The following GRIP1 variants were observed in gnomAD, a reference collection of about 807,000 sequenced individuals.
The protein encoded by GRIP1 is glutamate receptor interacting protein 1.
Under a neutral mutation model 129.9 loss-of-function variants are expected in GRIP1, and 45 were observed. The observed-to-expected ratio is 0.35, with a 90% CI of 0.27 to 0.44. GRIP1 has a LOEUF of 0.44. Ranked by LOEUF, GRIP1 falls within the 20% of genes least tolerant of loss-of-function variation. The pLI, the probability that GRIP1 is intolerant of heterozygous loss-of-function variation, is 1.00. For synonymous variants in GRIP1, 530 were observed against 520.8 expected (o/e 1.02, Z -0.24); for missense variants, 1,196 against 1,396.8 (o/e 0.86, Z 2.29).
chr12:66,937,817 T>C (rs1353679869), intron 1 of GRIP1, among the ~76,000 whole-genome samples: 2 of 152,132 alleles, frequency 1.3e-5, no homozygotes, highest in Non-Finnish European at 1.5e-5. Flanking sequence ...AGTGAAAAAT[T>C]ATCTTATTGG....
chr12:66,615,665 G>A lies in GRIP1; in HGVS notation c.56-18738C>T, dbSNP rs193066847. ...AAATTTTATTTTTAATTTTTGAAACGGAGTTTCACTCTTGTCACCCACACT... is the reference window on the plus strand; with the variant it reads ...AAATTTTATTTTTAATTTTTGAAACAGAGTTTCACTCTTGTCACCCACACT... On this transcript the variant is annotated intron_variant, in intron 1 of 24. Transcript: ENST00000359742. Among the ~76,000 whole-genome samples the A allele has an allele frequency of 2.2e-3, 338 of 152,164 alleles. 2 individuals are homozygous for A. The highest frequency in any genetic ancestry group is 7.6e-3 in the African/African-American group (315 of 41,532).
In GRIP1 at chr12:66,642,338, G is replaced by A. The variant is rs190524092; in HGVS notation, c.55+36512C>T. Among the ~76,000 whole-genome samples the A allele has an allele frequency of 1.7e-4, 26 of 152,248 alleles. No individual in the cohort carries two copies. In the East Asian group the frequency reaches 4.8e-3, roughly 28 times the overall value. Reference sequence around the variant, plus strand: ...CATGTGAAAGGCAGGGAGGCACCATGTGCCTGGTGCAGTCCATGGGCTAGC... The same window carrying A: ...CATGTGAAAGGCAGGGAGGCACCATATGCCTGGTGCAGTCCATGGGCTAGC... On this transcript the variant is annotated intron_variant, in intron 1 of 24. Transcript: ENST00000359742.
chr12:66,378,608 G>A (rs1216639636), intron 20 of GRIP1, among the ~76,000 whole-genome samples: 1 of 151,892 alleles, frequency 6.6e-6, no homozygotes, highest in Non-Finnish European at 1.5e-5. Context: ...TTAGCCAGGC[G>A]TGGTGGTGCA....
chr12:66,759,984 A>G (rs1487170165), intron 1 of GRIP1, among the ~76,000 whole-genome samples: 4 of 151,916 alleles, frequency 2.6e-5, no homozygotes, highest in Admixed American at 6.6e-5. Flanking sequence ...CCTCCAGAGT[A>G]GCTGGGACTA....
intron 1 of GRIP1, among the ~76,000 whole-genome samples, chr12:66,658,593 GA>G (rs72271340): frequency 0.27 from 40,182 of 148,690 alleles, 5,793 homozygotes; most frequent in Admixed American, 0.36. Flanking sequence ...AAAAAAAAAA[GA>G]AAAAAAAATC....
intron 1 of GRIP1, among the ~76,000 whole-genome samples, chr12:66,981,528 A>G (rs2042242665): frequency 6.6e-6 from 1 of 152,230 alleles, no homozygotes; most frequent in African/African-American, 2.4e-5. Context: ...CAGTGTAATC[A>G]AAGTGACATA....
chr12:66,696,897 G>C (rs986319958), intron 1 of GRIP1, among the ~76,000 whole-genome samples: 7 of 151,640 alleles, frequency 4.6e-5, no homozygotes, highest in Non-Finnish European at 1.0e-4. Context: ...AATAGAATTT[G>C]GTAGATGCAA....
chr12:66,852,144 T>G (rs907867174), intron 1 of GRIP1, among the ~76,000 whole-genome samples: 2 of 152,096 alleles, frequency 1.3e-5, no homozygotes, highest in Admixed American at 6.6e-5. Context: ...AAGATGTCTA[T>G]AAAAATACAA....
At chr12:66,872,506 T>C (rs935359654) in intron 1 of GRIP1, among the ~76,000 whole-genome samples, 3 of 151,918 alleles carry the variant, frequency 2.0e-5, no homozygotes, top group African/African-American at 7.3e-5. Flanking sequence ...TCAGGCAAGG[T>C]TTGTGTTTCT....
At chr12:66,603,925 A>C (rs1429469717) in intron 1 of GRIP1, among the ~76,000 whole-genome samples, 1 of 152,212 alleles carries the variant, frequency 6.6e-6, no homozygotes, top group Non-Finnish European at 1.5e-5. Flanking sequence ...TTACATTTTA[A>C]GGTGGAGAGA....
At chr12:66,479,615 A>C (rs1223933580) in intron 7 of GRIP1, among the ~76,000 whole-genome samples, 1 of 152,132 alleles carries the variant, frequency 6.6e-6, no homozygotes, top group Non-Finnish European at 1.5e-5. Context: ...GAGACACAAC[A>C]AAAAAAGAAA....
At chr12:67,008,815 T>C (rs2042664494) in intron 1 of GRIP1, among the ~76,000 whole-genome samples, 1 of 152,168 alleles carries the variant, frequency 6.6e-6, no homozygotes, top group South Asian at 2.1e-4. Context: ...TCTACAAATG[T>C]AGATTGTCCT....
intron 1 of GRIP1, among the ~76,000 whole-genome samples, chr12:66,773,168 A>G (rs2037873909): frequency 6.6e-6 from 1 of 152,288 alleles, no homozygotes; most frequent in South Asian, 2.1e-4. Context: ...GTCAGTGGGA[A>G]CTTTGAAAGT....
At chr12:66,955,783 AGG>A (rs2041831495) in intron 1 of GRIP1, among the ~76,000 whole-genome samples, 1 of 152,164 alleles carries the variant, frequency 6.6e-6, no homozygotes, top group African/African-American at 2.4e-5. Context: ...CTGGGATTAC[AGG>A]CGTGAGCCAC....
chr12:67,059,482 A>T (rs2043494731), intron 1 of GRIP1, among the ~76,000 whole-genome samples: 1 of 152,252 alleles, frequency 6.6e-6, no homozygotes, highest in Non-Finnish European at 1.5e-5. Context: ...ACCCAGGGCA[A>T]TAAGAATACT....
chr12:66,591,067 A>C (rs2063832451), intron 2 of GRIP1, among the ~76,000 whole-genome samples: 1 of 152,218 alleles, frequency 6.6e-6, no homozygotes, highest in African/African-American at 2.4e-5. Context: ...ACAGGTGAAC[A>C]AGATATAGAG....
intron 1 of GRIP1, among the ~76,000 whole-genome samples, chr12:66,751,389 T>C (rs2037122741): frequency 6.6e-6 from 1 of 152,120 alleles, no homozygotes; most frequent in Admixed American, 6.6e-5. Flanking sequence ...CCAGCTATTC[T>C]CTCTTCTCAT....
chr12:66,874,897 T>C (rs2040357084), intron 1 of GRIP1, among the ~76,000 whole-genome samples: 1 of 151,832 alleles, frequency 6.6e-6, no homozygotes, highest in Admixed American at 6.6e-5. Flanking sequence ...TTAAACTCTT[T>C]CTAAAATTAT....
At chr12:66,726,359 A>T (rs2036253816) in intron 1 of GRIP1, among the ~76,000 whole-genome samples, 1 of 152,142 alleles carries the variant, frequency 6.6e-6, no homozygotes, top group African/African-American at 2.4e-5. Context: ...TAAAATTATC[A>T]CTCTATGAGT....
Sources: allele counts gnomAD v4.1 joint callset (sites outside exome capture counted in the v4.1 genomes callset), GRCh38; gene constraint gnomAD v4.1.1; transcripts MANE v1.5; gene names NCBI Gene and HGNC (gene_info 2026-07-23, HGNC 2026-07-21).